Variants in MYT1L observed in about 807,000 individuals in gnomAD.
MYT1L encodes myelin transcription factor 1-like protein.
Under a neutral mutation model 126.7 loss-of-function variants are expected in MYT1L, and 12 were observed. The observed-to-expected ratio is 0.09, with a 90% CI of 0.06 to 0.15. The LOEUF (loss-of-function observed/expected upper bound fraction) is 0.15, where lower values mean the gene tolerates loss of function less well. MYT1L is among the 10% of genes least tolerant of loss of function. The pLI, the probability that MYT1L is intolerant of heterozygous loss-of-function variation, is 1.00. For synonymous variants in MYT1L, 541 were observed against 604.2 expected (o/e 0.90, Z 1.53); for missense variants, 979 against 1,585.2 (o/e 0.62, Z 6.49).
chr2:1,971,163 G>A (rs150347401), intron 8 of MYT1L, among the ~76,000 whole-genome samples: 17 of 152,232 alleles, frequency 1.1e-4, no homozygotes, highest in South Asian at 8.3e-4. Flanking sequence ...CTGGGGGAAC[G>A]GGGTGAGACT....
intron 2 of MYT1L, among the ~76,000 whole-genome samples, chr2:2,185,678 G>A (rs1244303562): frequency 7.2e-6 from 1 of 139,746 alleles, no homozygotes; most frequent in Non-Finnish European, 1.5e-5. Flanking sequence ...CTTACGTGAG[G>A]GGGACGCAGC....
intron 8 of MYT1L, among the ~76,000 whole-genome samples, chr2:1,966,242 G>A (rs960860788): frequency 3.3e-5 from 5 of 152,226 alleles, no homozygotes; most frequent in African/African-American, 1.2e-4. Context: ...TCATTCACAG[G>A]AAGAAACAGG....
intron 1 of MYT1L, among the ~76,000 whole-genome samples, chr2:2,302,359 G>T (rs1486566953): frequency 1.3e-5 from 2 of 152,210 alleles, no homozygotes; most frequent in African/African-American, 4.8e-5. Flanking sequence ...ATTTAAAAAT[G>T]CACAGAAGTG....
intron 5 of MYT1L, among the ~76,000 whole-genome samples, chr2:1,986,912 A>G (rs1015259540): frequency 4.6e-5 from 7 of 152,334 alleles, no homozygotes; most frequent in Admixed American, 1.3e-4. Flanking sequence ...ACATCAAGGA[A>G]TGGCTGGGCA....
At chr2:1,843,398 C>T (rs562310795) in intron 19 of MYT1L, among the ~76,000 whole-genome samples, 22 of 152,234 alleles carry the variant, frequency 1.4e-4, no homozygotes, top group Non-Finnish European at 2.4e-4. Context: ...GGGGGAATTA[C>T]GGTATCCTAC....
chr2:1,804,706 C>T (rs990392988), intron 22 of MYT1L, among the ~76,000 whole-genome samples: 1 of 152,190 alleles, frequency 6.6e-6, no homozygotes, highest in Non-Finnish European at 1.5e-5. Flanking sequence ...TCACTAATGG[C>T]TTGGTGGAAT....
At chr2:2,208,525 A>C (rs777190755) in intron 2 of MYT1L, among the ~76,000 whole-genome samples, 4 of 152,182 alleles carry the variant, frequency 2.6e-5, no homozygotes, top group Non-Finnish European at 5.9e-5. Flanking sequence ...CCTCCTTTGC[A>C]TATATGTATG....
intron 2 of MYT1L, among the ~76,000 whole-genome samples, chr2:2,192,521 G>A (rs905402948): frequency 2.0e-5 from 3 of 151,660 alleles, no homozygotes; most frequent in African/African-American, 7.3e-5. Flanking sequence ...TTCCCAGTGC[G>A]TACAATACGG....
intron 14 of MYT1L, among the ~76,000 whole-genome samples, chr2:1,897,179 C>G (rs758290069): frequency 2.6e-5 from 4 of 152,124 alleles, no homozygotes; most frequent in Non-Finnish European, 4.4e-5. Flanking sequence ...AATAAGAGGG[C>G]CTACAGTTAA....
At position 2,053,958 on chromosome 2, in the gene MYT1L, T is replaced by C. The variant is rs1462876821; in HGVS notation, c.-158+20A>G. ...CTGCATGTAAAGCTTAAAATATTAATACCACATAGAGTTCCTCACCTTTAG... is the reference window on the plus strand; with the variant it reads ...CTGCATGTAAAGCTTAAAATATTAACACCACATAGAGTTCCTCACCTTTAG... On this transcript the variant is annotated intron_variant, in intron 4 of 24. Coordinates refer to ENST00000647738, the MANE Select transcript of MYT1L (RefSeq NM_001303052.2). The C allele has an allele frequency of 6.5e-6, 1 of 152,680 alleles. No homozygotes were observed. The highest frequency in any genetic ancestry group is 2.4e-5 in the African/African-American group (1 of 41,478). 9.5% of individuals were successfully genotyped at this position (152,680 alleles called of 1,614,324 possible).
At chr2:2,314,931 AT>A (rs2096039414) in intron 1 of MYT1L, among the ~76,000 whole-genome samples, 3 of 152,372 alleles carry the variant, frequency 2.0e-5, no homozygotes, top group Admixed American at 1.3e-4. Context: ...TGGAGAAAGG[AT>A]TCCCTACTTA....
chr2:2,064,227 G>A (rs1274649208), intron 3 of MYT1L, among the ~76,000 whole-genome samples: 1 of 152,174 alleles, frequency 6.6e-6, no homozygotes, highest in East Asian at 1.9e-4. Context: ...GCCACTTGGG[G>A]CAAACACGAG....
chr2:2,033,287 C>G (rs1173357985), intron 4 of MYT1L, among the ~76,000 whole-genome samples: 1 of 128,292 alleles, frequency 7.8e-6, no homozygotes, highest in Non-Finnish European at 1.6e-5. Flanking sequence ...TCCTGTGGCC[C>G]AGAGCAGATT....
intron 3 of MYT1L, among the ~76,000 whole-genome samples, chr2:2,121,269 C>A (rs1007793491): frequency 3.9e-5 from 6 of 152,078 alleles, no homozygotes; most frequent in African/African-American, 7.2e-5. Flanking sequence ...CCTCCCGGGT[C>A]CGGGTTCAAG....
At chr2:1,840,591 T>G (rs1023456760) in intron 20 of MYT1L, among the ~76,000 whole-genome samples, 169 bp downstream of exon 20, 1 of 152,172 alleles carries the variant, frequency 6.6e-6, no homozygotes, top group African/African-American at 2.4e-5. Context: ...TCAGCAGATG[T>G]GCTTTGGTTT....
At chr2:1,911,919 G>A (rs529712155) in intron 12 of MYT1L, 101 bp downstream of exon 12, 490 of 867,006 alleles carry the variant, frequency 5.7e-4, no homozygotes, top group African/African-American at 1.4e-3. Flanking sequence ...GGGGAGCACG[G>A]TGGGGAGCAC....
intron 2 of MYT1L, among the ~76,000 whole-genome samples, chr2:2,255,956 G>T (rs1432808028): frequency 6.6e-6 from 1 of 152,090 alleles, no homozygotes; most frequent in African/African-American, 2.4e-5. Flanking sequence ...GCCTTGCTTT[G>T]CTCCCTGGTA....
intron 1 of MYT1L, among the ~76,000 whole-genome samples, chr2:2,330,085 T>C (rs1356634076): frequency 6.6e-6 from 1 of 152,036 alleles, no homozygotes; most frequent in Admixed American, 6.6e-5. Context: ...TGACACTAAA[T>C]GAAGATGAAC....
chr2:1,991,584 C>T (rs2061459565), intron 5 of MYT1L, among the ~76,000 whole-genome samples: 1 of 152,112 alleles, frequency 6.6e-6, no homozygotes, highest in Non-Finnish European at 1.5e-5. Context: ...TGACCTAGAT[C>T]CTTTTCTTAA....
Sources: allele counts gnomAD v4.1 joint callset (sites outside exome capture counted in the v4.1 genomes callset), GRCh38; gene constraint gnomAD v4.1.1; transcripts MANE v1.5; gene names NCBI Gene and HGNC (gene_info 2026-07-23, HGNC 2026-07-21).